PARVB: variants seen among roughly 807,000 people sequenced by gnomAD.
The protein encoded by PARVB is parvin beta.
A neutral mutation model predicts 47.0 loss-of-function variants in PARVB; 46 were observed. The observed-to-expected ratio is 0.98, with a 90% CI of 0.77 to 1.25. The LOEUF is 1.25. Ranked by LOEUF, PARVB falls within the 50% of genes most tolerant of loss-of-function variation. The pLI, the probability that PARVB is intolerant of heterozygous loss-of-function variation, is 0.00. For synonymous variants in PARVB, 196 were observed against 196.3 expected (o/e 1.00, Z 0.01); for missense variants, 473 against 471.6 (o/e 1.00, Z -0.03).
intron 12 of PARVB, among the ~76,000 whole-genome samples, chr22:44,164,959 A>G (rs9614354): frequency 0.12 from 18,230 of 152,130 alleles, 1,272 homozygotes; most frequent in Middle Eastern, 0.17. Flanking sequence ...TTCACAGGAC[A>G]ATTTCACACC....
At chr22:44,056,073 C>T (rs1045748310) in intron 1 of PARVB, among the ~76,000 whole-genome samples, 2 of 152,248 alleles carry the variant, frequency 1.3e-5, no homozygotes, top group South Asian at 2.1e-4. Context: ...GTTTTGCACA[C>T]GCATGCATCT....
At chr22:44,078,913 G>A (rs2051836685) in intron 1 of PARVB, among the ~76,000 whole-genome samples, 2 of 152,154 alleles carry the variant, frequency 1.3e-5, no homozygotes, top group South Asian at 2.1e-4. Flanking sequence ...TTTTAATAGA[G>A]ATGAGGTTTT....
At position 44,035,816 on chromosome 22, in the gene PARVB, T is replaced by C. The variant is rs570640397; in HGVS notation, c.112+11365T>C. Among the ~76,000 whole-genome samples, 12 of 152,078 alleles carry C rather than the reference T, an allele frequency of 7.9e-5. No individual in the cohort carries two copies. In the South Asian group the frequency reaches 1.9e-3, roughly 24 times the overall value. On this transcript the variant is annotated intron_variant, in intron 1 of 12. Transcript: ENST00000338758. ...AGATCACTTTTTTTTTTTTTTACTA[T>C]GATATGGAATTTACTGGAGCGGTGA...
At position 44,089,967 on chromosome 22, in the gene PARVB, T is replaced by C. The variant is rs1347965244; in HGVS notation, c.113-3961T>C. ...TGTGGAATAGGGGACCTCGCCTGCC[T>C]TGTGGTCACTCTTCCTCCAGTCTGT... On this transcript the variant is annotated intron_variant, in intron 1 of 12. Coordinates refer to ENST00000338758, the MANE Select transcript of PARVB (RefSeq NM_013327.5). The surrounding 1 kb of genome is among the most constrained non-coding windows in gnomAD (Gnocchi z 4.0). Among the ~76,000 whole-genome samples, 1 of 152,196 alleles carries C rather than the reference T, an allele frequency of 6.6e-6. No homozygotes were observed. Among genetic ancestry groups the C allele is most frequent in the African/African-American group, 2.4e-5 (1 of 41,462 alleles).
chr22:44,027,598 A>T (rs1404365360), intron 1 of PARVB, among the ~76,000 whole-genome samples: 1 of 152,134 alleles, frequency 6.6e-6, no homozygotes, highest in Non-Finnish European at 1.5e-5. Context: ...TGATTACCTT[A>T]AAAAATATGT....
intron 9 of PARVB, chr22:44,151,050 A>AAG (rs2053795958): frequency 6.4e-6 from 1 of 155,200 alleles, no homozygotes; most frequent in African/African-American, 2.4e-5. Context: ...AAAAAAAAAA[A>AAG]AAAAAAATTC....
At position 44,103,794 on chromosome 22, in the gene PARVB, CT is replaced by C; in HGVS notation, c.273+3672del. 6.6e-6 allele frequency: 1 copy of C among 152,238 alleles called. No homozygotes were observed. Among genetic ancestry groups the C allele is most frequent in the Non-Finnish European group, 1.5e-5 (1 of 68,052 alleles). 9.4% of individuals were successfully genotyped at this position (152,238 alleles called of 1,614,324 possible). A position where few individuals can be genotyped will look rare whatever the true frequency, so the allele number is the denominator to read the frequency against. ...TGAAGATGGAAGAAGGGGCCATGCACTAATGGATGCAGGCGGCCTCTGCCTC... is the reference window on the plus strand; with the variant it reads ...TGAAGATGGAAGAAGGGGCCATGCACAATGGATGCAGGCGGCCTCTGCCTC... On this transcript the variant is annotated intron_variant, in intron 3 of 12. Transcript: ENST00000338758. This position sits in a 1 kb window ranked among gnomAD's most constrained non-coding sequence, Gnocchi z 4.6.
At chr22:44,029,650 C>T (rs2050789717) in intron 1 of PARVB, among the ~76,000 whole-genome samples, 1 of 152,006 alleles carries the variant, frequency 6.6e-6, no homozygotes, top group Non-Finnish European at 1.5e-5. Flanking sequence ...GTGGCTCACG[C>T]CTGTAATCCC....
intron 1 of PARVB, among the ~76,000 whole-genome samples, chr22:44,056,318 C>T (rs1407155855): frequency 6.6e-6 from 1 of 152,204 alleles, no homozygotes; most frequent in Non-Finnish European, 1.5e-5. Flanking sequence ...TGTGGATTTC[C>T]TCCTGCTGAG....
Position 44,089,142 on chromosome 22 carries a change from C to G in PARVB, c.113-4786C>G, listed in dbSNP as rs1012192952. Among the ~76,000 whole-genome samples the G allele has an allele frequency of 1.3e-5, 2 of 152,214 alleles. No homozygotes were observed. The highest frequency in any genetic ancestry group is 2.9e-5 in the Non-Finnish European group (2 of 68,052). On this transcript the variant is annotated intron_variant, in intron 1 of 12. Coordinates refer to ENST00000338758, the MANE Select transcript of PARVB (RefSeq NM_013327.5). This position sits in a 1 kb window ranked among gnomAD's most constrained non-coding sequence, Gnocchi z 4.0. ...CTCCTCCTATCAAATGCCCTCCTGT[C>G]TCTCTCTTCCTACCTGGCCCCCCGT... is the stretch of plus-strand genomic sequence containing the variant.
At position 44,029,852 on chromosome 22, in the gene PARVB, G is replaced by A. The variant is rs145954717; in HGVS notation, c.112+5401G>A. ...TCGAACCCGGGAAGCAGAGGTTGCA[G>A]TGAGCTGAGATCGCGCCACTGCACT... On this transcript the variant is annotated intron_variant, in intron 1 of 12. Coordinates refer to ENST00000338758, the MANE Select transcript of PARVB (RefSeq NM_013327.5). Among the ~76,000 whole-genome samples the A allele has an allele frequency of 1.8e-3, 270 of 152,228 alleles. 1 individual carries two copies. The highest frequency in any genetic ancestry group is 6.3e-3 in the African/African-American group (260 of 41,544).
chr22:44,117,253 AG>A (rs2052928728), intron 3 of PARVB, among the ~76,000 whole-genome samples: 2 of 151,882 alleles, frequency 1.3e-5, no homozygotes, highest in East Asian at 1.9e-4. Flanking sequence ...GGGAGGGAGA[AG>A]GGGAGCTGTC....
At chr22:44,130,664 T>C (rs976760925) in intron 4 of PARVB, among the ~76,000 whole-genome samples, 1 of 152,182 alleles carries the variant, frequency 6.6e-6, no homozygotes, top group African/African-American at 2.4e-5. Flanking sequence ...TTTTAAGACC[T>C]TTTTTAAAAT....
chr22:44,120,278 C>T (rs1248895774), intron 4 of PARVB, among the ~76,000 whole-genome samples: 1 of 152,218 alleles, frequency 6.6e-6, no homozygotes, highest in Non-Finnish European at 1.5e-5. Context: ...CCCCACGATG[C>T]CTTTTGTTTG....
intron 10 of PARVB, among the ~76,000 whole-genome samples, chr22:44,156,930 T>C (rs922835754): frequency 1.4e-4 from 22 of 152,068 alleles, no homozygotes; most frequent in African/African-American, 5.3e-4. Context: ...CATGAAGAAG[T>C]TCTGGAGATG....
chr22:44,043,697 G>T (rs540998966), intron 1 of PARVB, among the ~76,000 whole-genome samples: 8 of 152,098 alleles, frequency 5.3e-5, no homozygotes, highest in Non-Finnish European at 1.0e-4. Flanking sequence ...CTTTAAAACG[G>T]CAAATTGTAT....
Position 44,134,146 on chromosome 22 carries a change from T to TC in PARVB, c.633+1139dup, listed in dbSNP as rs1601658418. Among the ~76,000 whole-genome samples the TC allele has an allele frequency of 5.3e-5, 8 of 152,274 alleles. No homozygotes were observed. The East Asian group carries it at 1.5e-3, about 29-fold the overall frequency. ...GGAGGACCTGGCTGTCACTGTGTTT[T>TC]CCGAACCCATTCTGGCCCCTCTGTT... is the stretch of plus-strand genomic sequence containing the variant. On this transcript the variant is annotated intron_variant, in intron 6 of 12. Transcript: ENST00000338758.
chr22:44,135,606 C>G (rs2053426554), intron 6 of PARVB, among the ~76,000 whole-genome samples: 1 of 152,204 alleles, frequency 6.6e-6, no homozygotes, highest in Admixed American at 6.5e-5. Context: ...GTGACATATA[C>G]TGTGTCAGTT....
intron 1 of PARVB, among the ~76,000 whole-genome samples, chr22:44,040,737 C>T (rs577137140): frequency 9.2e-5 from 14 of 152,286 alleles, no homozygotes; most frequent in Non-Finnish European, 1.6e-4. Flanking sequence ...GTATGGAGGC[C>T]GGGCGCGGTG....
Sources: gnomAD v4.1 joint callset for allele counts (sites outside exome capture counted in the v4.1 genomes callset) on GRCh38, gnomAD v4.1.1 for gene constraint, Gnocchi (gnomAD v3.1) non-coding constraint, MANE v1.5 for transcripts, NCBI Gene and HGNC (gene_info 2026-07-23, HGNC 2026-07-21) for gene names.